Variants in ZBTB16 observed in about 807,000 individuals in gnomAD.
ZBTB16 encodes the protein zinc finger and BTB domain containing 16, also known as zinc finger and BTB domain-containing protein 16.
In ZBTB16, 8 loss-of-function variants were observed where a neutral mutation model predicts 56.8. That is an observed-to-expected ratio of 0.14 (90% CI 0.08 to 0.25). The LOEUF (loss-of-function observed/expected upper bound fraction) is 0.25, where lower values mean the gene tolerates loss of function less well. Ranked by LOEUF, ZBTB16 falls within the 10% of genes least tolerant of loss-of-function variation. The pLI, the probability that ZBTB16 is intolerant of heterozygous loss-of-function variation, is 1.00. For missense variants in ZBTB16, 625 were observed against 903.0 expected (o/e 0.69, Z 3.95); for synonymous variants, 363 against 368.5 (o/e 0.98, Z 0.17).
rs1256692222 is a variant in ZBTB16, at chr11:114,161,978, C to T, written c.1366+5544C>T. ...CATTCTGCCAGGTGGGAGGCCCCATCCTTCCACTCCTCTCTTGCCCTTGTC... is the reference window on the plus strand; with the variant it reads ...CATTCTGCCAGGTGGGAGGCCCCATTCTTCCACTCCTCTCTTGCCCTTGTC... On this transcript the variant is annotated intron_variant, in intron 3 of 6. Coordinates refer to ENST00000335953, the MANE Select transcript of ZBTB16 (RefSeq NM_006006.6). Among the ~76,000 whole-genome samples, 3 of 152,350 alleles carry T rather than the reference C, an allele frequency of 2.0e-5. No homozygotes were observed. In the East Asian group the frequency reaches 5.8e-4, roughly 29 times the overall value.
intron 2 of ZBTB16, among the ~76,000 whole-genome samples, chr11:114,117,883 A>G (rs904934053): frequency 3.9e-4 from 60 of 152,210 alleles, no homozygotes; most frequent in African/African-American, 1.2e-3. Flanking sequence ...TGTTTTCATC[A>G]AAGACCTTCA....
chr11:114,086,516 C>T (rs1939962825), intron 2 of ZBTB16, among the ~76,000 whole-genome samples: 1 of 152,190 alleles, frequency 6.6e-6, no homozygotes, highest in Admixed American at 6.5e-5. Context: ...AACCTAAGTT[C>T]CATGAGGATA....
intron 2 of ZBTB16, among the ~76,000 whole-genome samples, chr11:114,146,438 C>T (rs939119240): frequency 9.9e-5 from 15 of 152,078 alleles, no homozygotes; most frequent in African/African-American, 3.4e-4. Flanking sequence ...CTTTCTCCAT[C>T]CACAAAATGG....
rs571587109 is a variant in ZBTB16, at chr11:114,191,025, G to A, written c.1453+3987G>A. Among the ~76,000 whole-genome samples the A allele has an allele frequency of 2.4e-4, 36 of 152,274 alleles. No homozygotes were observed. The South Asian group carries it at 7.3e-3, about 31-fold the overall frequency. Reference sequence around the variant, plus strand: ...GGCCAGAGCAGGAGCTAGAGAGAGAGAGTTGGGTGAGGGAGAAGCAGCTGC... The same window carrying A: ...GGCCAGAGCAGGAGCTAGAGAGAGAAAGTTGGGTGAGGGAGAAGCAGCTGC... On this transcript the variant is annotated intron_variant, in intron 4 of 6. Coordinates refer to ENST00000335953, the MANE Select transcript of ZBTB16 (RefSeq NM_006006.6).
In ZBTB16 at chr11:114,250,004, G is replaced by C. The variant is rs1187702431; in HGVS notation, c.1793-322G>C. On this transcript the variant is annotated intron_variant, in intron 6 of 6. Transcript: ENST00000335953. The surrounding 1 kb of genome is among the most constrained non-coding windows in gnomAD (Gnocchi z 6.0). ...CATTTTCTTAATTAGAAAGGGAAAA[G>C]ACTGTGGCCTTGGGAGAGTTAAGAA... Among the ~76,000 whole-genome samples the C allele has an allele frequency of 2.0e-5, 3 of 152,186 alleles. No homozygotes were observed. The highest frequency in any genetic ancestry group is 4.4e-5 in the Non-Finnish European group (3 of 68,034).
At position 114,242,149 on chromosome 11, in the gene ZBTB16, C is replaced by T; in HGVS notation, c.1454-18C>T. The T allele has an allele frequency of 6.2e-7, 1 of 1,613,488 alleles. No homozygotes were observed. On this transcript the variant is annotated intron_variant, in intron 4 of 6. Coordinates refer to ENST00000335953, the MANE Select transcript of ZBTB16 (RefSeq NM_006006.6). ...TATTCCCACCTTTCTGAGGCACCCC[C>T]TCTCCTGTCTCCCACAGGCACTGAC...
chr11:114,072,880 G>A (rs1166038493), intron 2 of ZBTB16, among the ~76,000 whole-genome samples: 3 of 151,710 alleles, frequency 2.0e-5, no homozygotes, highest in South Asian at 2.1e-4. Context: ...GTGAAACCCC[G>A]TCTCTACTAA....
At chr11:114,159,995 G>T (rs75949137) in intron 3 of ZBTB16, among the ~76,000 whole-genome samples, 2,882 of 150,664 alleles carry the variant, frequency 0.019, 102 homozygotes, top group African/African-American at 0.066. Flanking sequence ...GTGAGTCCAG[G>T]ATCTGGGTAG....
chr11:114,212,237 A>G (rs777806778), intron 4 of ZBTB16, among the ~76,000 whole-genome samples: 1 of 152,178 alleles, frequency 6.6e-6, no homozygotes, highest in African/African-American at 2.4e-5. Flanking sequence ...TAAAAGTCGC[A>G]GGAAAATTCA....
intron 2 of ZBTB16, among the ~76,000 whole-genome samples, chr11:114,078,586 G>A (rs1340880839): frequency 1.3e-5 from 2 of 151,966 alleles, no homozygotes; most frequent in Non-Finnish European, 2.9e-5. Context: ...GATCGCAGAG[G>A]GTGCTATTTA....
chr11:114,135,351 G>A (rs887387097), intron 2 of ZBTB16, among the ~76,000 whole-genome samples: 3 of 152,228 alleles, frequency 2.0e-5, no homozygotes, highest in African/African-American at 7.2e-5. Flanking sequence ...TAACCCATGA[G>A]TATGTTAGAT....
At chr11:114,102,584 G>A (rs1048821696) in intron 2 of ZBTB16, among the ~76,000 whole-genome samples, 1 of 149,120 alleles carries the variant, frequency 6.7e-6, no homozygotes, top group Non-Finnish European at 1.5e-5. Context: ...GCATTTTCTG[G>A]GAAGTGAATC....
intron 2 of ZBTB16, among the ~76,000 whole-genome samples, chr11:114,087,658 C>T (rs1328690286): frequency 6.6e-6 from 1 of 152,198 alleles, no homozygotes; most frequent in Admixed American, 6.5e-5. Flanking sequence ...ACCCCACTTC[C>T]CTGAGCAGAG....
chr11:114,107,735 T>C (rs896696209), intron 2 of ZBTB16, among the ~76,000 whole-genome samples: 2 of 152,236 alleles, frequency 1.3e-5, no homozygotes, highest in Non-Finnish European at 2.9e-5. Flanking sequence ...TTCTATAATA[T>C]GTTGGTAAAA....
chr11:114,232,062 G>A (rs1200393567), intron 4 of ZBTB16, among the ~76,000 whole-genome samples: 1 of 152,154 alleles, frequency 6.6e-6, no homozygotes, highest in Non-Finnish European at 1.5e-5. Flanking sequence ...GCAAGAGGAT[G>A]GCTGGGATGT....
chr11:114,156,249 G>T, intron 2 of ZBTB16, 88 bp from the exon 3 acceptor site: 2 of 1,338,846 alleles, frequency 1.5e-6, no homozygotes, highest in Admixed American at 1.8e-5. Flanking sequence ...CCTGCCAGAG[G>T]GATGGCTGCC....
intron 2 of ZBTB16, among the ~76,000 whole-genome samples, chr11:114,070,857 G>T (rs1404778387): frequency 6.6e-6 from 1 of 152,286 alleles, no homozygotes; most frequent in East Asian, 1.9e-4. Flanking sequence ...TCCTTTTTAG[G>T]GGTGATGAAT....
At chr11:114,201,247 A>AGGG (rs1039836213) in intron 4 of ZBTB16, among the ~76,000 whole-genome samples, 1 of 151,366 alleles carries the variant, frequency 6.6e-6, no homozygotes, top group African/African-American at 2.4e-5. Context: ...AGGTGGGAGG[A>AGGG]GGGGGAGGAG....
rs1938817329 is a variant in ZBTB16 at position 114,060,856 on chromosome 11, T to A, written c.-91+974T>A. Among the ~76,000 whole-genome samples the A allele has an allele frequency of 1.3e-5, 2 of 151,462 alleles. No individual in the cohort carries two copies. The highest frequency in any genetic ancestry group is 6.6e-5 in the Admixed American group (1 of 15,248). On this transcript the variant is annotated intron_variant, in intron 1 of 6. Transcript: ENST00000335953. The surrounding 1 kb of genome is among the most constrained non-coding windows in gnomAD (Gnocchi z 6.0). Reference sequence around the variant, plus strand: ...GACCCAGCCGGTCGCTCCCAGGGGGTCACGGCCCTGGGTCGGAGAGGGAGG... The same window carrying A: ...GACCCAGCCGGTCGCTCCCAGGGGGACACGGCCCTGGGTCGGAGAGGGAGG...
Sources: gnomAD v4.1 joint callset for allele counts (sites outside exome capture counted in the v4.1 genomes callset) on GRCh38, gnomAD v4.1.1 for gene constraint, Gnocchi (gnomAD v3.1) non-coding constraint, MANE v1.5 for transcripts, NCBI Gene and HGNC (gene_info 2026-07-23, HGNC 2026-07-21) for gene names.